SYNPO2: variants seen among roughly 807,000 people sequenced by gnomAD.
SYNPO2 encodes the protein synaptopodin 2.
A neutral mutation model predicts 85.0 loss-of-function variants in SYNPO2; 56 were observed. That is an observed-to-expected ratio of 0.66 (90% confidence interval 0.53 to 0.82). The LOEUF (loss-of-function observed/expected upper bound fraction) is 0.82. SYNPO2 is among the 40% of genes least tolerant of loss of function. The pLI is 0.00. For synonymous variants in SYNPO2, 602 were observed against 591.1 expected, an observed-to-expected ratio of 1.02 and a Z score of -0.27; for missense variants, 1,575 against 1,534.2, an observed-to-expected ratio of 1.03 and a Z score of -0.44.
intron 1 of SYNPO2, among the ~76,000 whole-genome samples, chr4:118,950,458 T>C (rs1367860773): frequency 1.3e-5 from 2 of 152,216 alleles, no homozygotes; most frequent in African/African-American, 2.4e-5. Flanking sequence ...TTGTGGTTTC[T>C]ACAGGAAGGA....
chr4:119,034,090 T>C (rs1738396315), intron 4 of SYNPO2: 2 of 985,310 alleles, frequency 2.0e-6, no homozygotes. Context: ...AGCAATCTAT[T>C]CATTATATAA....
In SYNPO2 at chr4:118,889,095, G is replaced by C; in HGVS notation, c.59G>C (p.Arg20Thr). 6.2e-7 allele frequency: 1 copy of C among 1,614,194 alleles called. No homozygotes were observed. Among genetic ancestry groups the C allele is most frequent in the Non-Finnish European group, 8.5e-7 (1 of 1,180,046 alleles). Residue 20 changes from arginine to threonine, a missense_variant, in exon 1 of 5, where the codon AGA becomes ACA. This residue lies in a region of SYNPO2 where 55 missense variants were observed against 55.5 expected (regional missense o/e 0.99). Coordinates refer to ENST00000307142, the MANE Select transcript of SYNPO2 (RefSeq NM_133477.3). The stretch of plus-strand genomic sequence containing the variant: ...ACTGGAGGGGCGCCCTGGGGGTTCA[G>C]ATTGCAAGGTGGCAAGGAGCAGAAG... Reference protein sequence around the residue: ...SMTGGAPWGFRLQGGKEQKQP... With the variant: ...SMTGGAPWGFTLQGGKEQKQP...
intron 1 of SYNPO2, among the ~76,000 whole-genome samples, chr4:118,871,608 A>G (rs974460958): frequency 7.6e-5 from 11 of 144,622 alleles, no homozygotes; most frequent in Middle Eastern, 7.4e-3. Context: ...TTGCTCTGTC[A>G]CCCAGGCTGG....
chr4:118,922,663 G>T (rs1265684440), intron 1 of SYNPO2, among the ~76,000 whole-genome samples: 3 of 151,524 alleles, frequency 2.0e-5, no homozygotes, highest in African/African-American at 7.3e-5. Flanking sequence ...TGTAACCAAA[G>T]AGGGTTAAGG....
intron 1 of SYNPO2, among the ~76,000 whole-genome samples, chr4:118,936,348 T>C (rs1734101398): frequency 6.6e-6 from 1 of 152,218 alleles, no homozygotes; most frequent in African/African-American, 2.4e-5. Context: ...TATTAATTTA[T>C]TTTGAGACAG....
chr4:118,997,165 G>A (rs1355392404), intron 1 of SYNPO2, among the ~76,000 whole-genome samples: 3 of 146,102 alleles, frequency 2.1e-5, no homozygotes, highest in East Asian at 2.0e-4. Context: ...GCGTGAACCC[G>A]GGAGGCGGAG....
chr4:118,869,132 C>T (rs993947430), intron 1 of SYNPO2, among the ~76,000 whole-genome samples: 5 of 152,186 alleles, frequency 3.3e-5, no homozygotes, highest in Non-Finnish European at 7.3e-5. Flanking sequence ...ATGGCGCTCA[C>T]GGCAACCTCC....
chr4:118,986,568 C>T (rs1736229685), intron 1 of SYNPO2, among the ~76,000 whole-genome samples: 1 of 152,116 alleles, frequency 6.6e-6, no homozygotes, highest in East Asian at 1.9e-4. Flanking sequence ...CATCACTGGC[C>T]CATCCCAAGT....
chr4:118,916,729 C>CTTTTTTTTTTTTTTTTTTT (rs199715189), intron 1 of SYNPO2, among the ~76,000 whole-genome samples: 130 of 116,944 alleles, frequency 1.1e-3, no homozygotes, highest in Middle Eastern at 5.7e-3. Context: ...ATTTTTCTTT[C>CTTTTTTTTTTTTTTTTTTT]TTTTTTTTTT....
intron 1 of SYNPO2, among the ~76,000 whole-genome samples, chr4:118,996,872 A>G (rs1736619859): frequency 6.7e-6 from 1 of 148,200 alleles, no homozygotes; most frequent in South Asian, 2.1e-4. Flanking sequence ...AAAAAAAAAA[A>G]GTGTCATAAG....
At chr4:119,036,246 G>C (rs960375498) in intron 4 of SYNPO2, 2 of 985,286 alleles carry the variant, frequency 2.0e-6, no homozygotes, top group East Asian at 2.3e-4. Context: ...GAGGGAAGTC[G>C]TGGGGCGTGT....
chr4:118,949,586 A>C (rs1399156752), intron 1 of SYNPO2, among the ~76,000 whole-genome samples: 2 of 151,608 alleles, frequency 1.3e-5, no homozygotes, highest in African/African-American at 2.4e-5. Context: ...ACTAAAAAAA[A>C]AAAAAAACAA....
chr4:119,030,750 G>T lies in SYNPO2; in HGVS notation c.1975G>T (p.Ala659Ser), dbSNP rs1227281461. The T allele has an allele frequency of 2.5e-6, 4 of 1,614,066 alleles. No individual in the cohort carries two copies. The highest frequency in any genetic ancestry group is 2.7e-5 in the African/African-American group (2 of 74,916). Residue 659 changes from alanine (A) to serine (S), a missense_variant, in exon 4 of 5, where the codon GCC (alanine) becomes TCC (serine). Transcript: ENST00000307142. ...CCAGCCTGCCCCGTGGTCCCAGCCA[G>T]CCTTTTACGATTCGTCTGAGCGAAT... ...WPQPAPWSQP[A>S]FYDSSERIAS... is the part of the protein sequence containing the mutation.
At chr4:118,851,417 G>A (rs56187207) in intron 1 of SYNPO2, among the ~76,000 whole-genome samples, 6,259 of 152,094 alleles carry the variant, frequency 0.041, 198 homozygotes, top group Non-Finnish European at 0.064. Flanking sequence ...AACCTGGGAG[G>A]CAGAGGTTGC....
At chr4:118,969,105 C>T (rs1042512384) in intron 1 of SYNPO2, among the ~76,000 whole-genome samples, 1 of 152,136 alleles carries the variant, frequency 6.6e-6, no homozygotes, top group Non-Finnish European at 1.5e-5. Flanking sequence ...CCTCAAGGGG[C>T]CCTTGCAGCT....
rs575732164 is a variant in SYNPO2, at chr4:118,904,833, C to T, written c.105+15692C>T. Among the ~76,000 whole-genome samples the T allele has an allele frequency of 1.8e-4, 10 of 56,638 alleles. No individual in the cohort carries two copies. The East Asian group carries it at 8.3e-3, about 47-fold the overall frequency. The allele number at this position is 56,638 out of a possible 152,430, so 37.2% of individuals were successfully genotyped here. On this transcript the variant is annotated intron_variant, in intron 1 of 4. Transcript: ENST00000307142. ...AGTCGGATAATACCATAGAAGTTAC[C>T]TTTATTTTTTTCTTTCATGAAAAAC...
intron 1 of SYNPO2, among the ~76,000 whole-genome samples, chr4:118,968,146 C>A (rs1735385571): frequency 6.6e-6 from 1 of 152,120 alleles, no homozygotes; most frequent in African/African-American, 2.4e-5. Flanking sequence ...AGATGTAGAA[C>A]AAAGAGAGCA....
chr4:118,957,896 C>G (rs1734935110), intron 1 of SYNPO2, among the ~76,000 whole-genome samples: 1 of 152,152 alleles, frequency 6.6e-6, no homozygotes, highest in Admixed American at 6.6e-5. Context: ...GAACTGGAAC[C>G]CATGGCTGCT....
At chr4:118,891,553 G>A (rs1023230767) in intron 1 of SYNPO2, among the ~76,000 whole-genome samples, 7 of 152,144 alleles carry the variant, frequency 4.6e-5, no homozygotes, top group African/African-American at 1.2e-4. Flanking sequence ...GGAACAAAGC[G>A]CTTATCACTT....
Sources: gnomAD v4.1 joint callset for allele counts (sites outside exome capture counted in the v4.1 genomes callset) on GRCh38, gnomAD v4.1.1 for gene constraint, gnomAD v4.1.1 regional missense constraint, MANE v1.5 for transcripts, NCBI Gene and HGNC (gene_info 2026-07-23, HGNC 2026-07-21) for gene names.